The following RIN2 variants were observed in gnomAD, a reference collection of about 807,000 sequenced individuals.
RIN2 encodes the protein RAB5 interacting protein 2.
A neutral mutation model predicts 78.0 loss-of-function variants in RIN2; 36 were observed. That is an observed-to-expected ratio of 0.46 (90% confidence interval 0.35 to 0.61). RIN2 has a LOEUF of 0.61. RIN2 is among the 20% of genes least tolerant of loss of function. The probability of loss-of-function intolerance (pLI) is 0.00; values close to 1 mark genes in which losing one functional copy is unlikely to be tolerated. For synonymous variants in RIN2, 466 were observed against 466.8 expected (o/e 1.00, Z 0.02); for missense variants, 1,087 against 1,159.7 (o/e 0.94, Z 0.91).
chr20:19,851,253 C>G (rs555557741), intron 2 of RIN2, among the ~76,000 whole-genome samples: 3 of 152,076 alleles, frequency 2.0e-5, no homozygotes, highest in Admixed American at 1.3e-4. Flanking sequence ...GGGGAAGGGA[C>G]CCCAGTGGTG....
chr20:19,935,394 G>A, intron 4 of RIN2, 195 bp downstream of exon 4: 1 of 1,337,766 alleles, frequency 7.5e-7, no homozygotes, highest in East Asian at 2.7e-5. Context: ...TAATCACTTT[G>A]AAGGCACTTG....
chr20:19,804,160 T>A (rs2035332647), intron 2 of RIN2, among the ~76,000 whole-genome samples: 2 of 152,152 alleles, frequency 1.3e-5, no homozygotes, highest in Admixed American at 6.5e-5. Flanking sequence ...CAATTTGACT[T>A]CCTCTCTTCC....
chr20:19,850,120 G>A (rs2036913924), intron 2 of RIN2, among the ~76,000 whole-genome samples: 1 of 152,210 alleles, frequency 6.6e-6, no homozygotes, highest in Non-Finnish European at 1.5e-5. Flanking sequence ...TGTGTCCTGA[G>A]GACAAAGGCC....
intron 11 of RIN2, among the ~76,000 whole-genome samples, chr20:19,993,350 A>C (rs1343539339): frequency 6.6e-6 from 1 of 151,648 alleles, no homozygotes; most frequent in Non-Finnish European, 1.5e-5. Flanking sequence ...CTAAGGAATG[A>C]GTCATCCCAG....
intron 3 of RIN2, among the ~76,000 whole-genome samples, chr20:19,910,755 A>G (rs1389768743): frequency 6.8e-6 from 1 of 146,586 alleles, no homozygotes. Flanking sequence ...TTTAATAGAG[A>G]CAGAGTTTCT....
chr20:19,923,214 G>A (rs550839481), intron 3 of RIN2, among the ~76,000 whole-genome samples: 40 of 151,766 alleles, frequency 2.6e-4, no homozygotes, highest in Admixed American at 9.8e-4. Flanking sequence ...TCAGGAGTTC[G>A]AGACCAGCCT....
intron 2 of RIN2, among the ~76,000 whole-genome samples, chr20:19,827,228 G>T (rs547292083): frequency 6.6e-6 from 1 of 151,896 alleles, no homozygotes; most frequent in Admixed American, 6.6e-5. Flanking sequence ...TGCCTGCCTC[G>T]GCCTCCCAAA....
intron 2 of RIN2, among the ~76,000 whole-genome samples, chr20:19,821,633 C>T (rs535344027): frequency 7.2e-5 from 11 of 151,900 alleles, no homozygotes; most frequent in Admixed American, 5.9e-4. Context: ...GCTCCTTTCT[C>T]ACTTCTAGGG....
chr20:19,915,603 G>A (rs900170417), intron 3 of RIN2, among the ~76,000 whole-genome samples: 13 of 152,190 alleles, frequency 8.5e-5, no homozygotes, highest in Admixed American at 7.9e-4. Flanking sequence ...GCATCAGAGC[G>A]CAGGTTCCAA....
chr20:19,927,110 C>A (rs1206209558), intron 3 of RIN2, among the ~76,000 whole-genome samples: 1 of 152,248 alleles, frequency 6.6e-6, no homozygotes, highest in Non-Finnish European at 1.5e-5. Flanking sequence ...GACATTGTTT[C>A]TTTGTAGTCC....
At chr20:19,924,343 A>AC (rs777662892) in intron 3 of RIN2, among the ~76,000 whole-genome samples, 1,191 of 11,702 alleles carry the variant, frequency 0.1, 249 homozygotes, top group East Asian at 0.34. Context: ...ACCTCTTCAT[A>AC]CCCCACCTCT....
intron 3 of RIN2, among the ~76,000 whole-genome samples, chr20:19,900,970 A>G (rs1028161172): frequency 1.1e-4 from 16 of 150,876 alleles, no homozygotes; most frequent in South Asian, 8.3e-4. Flanking sequence ...AAAAAAAAAA[A>G]AAAGAAATGT....
chr20:19,963,597 G>A (rs751346998), intron 6 of RIN2, among the ~76,000 whole-genome samples: 10 of 135,492 alleles, frequency 7.4e-5, no homozygotes, highest in South Asian at 2.3e-4. Context: ...CAACAACAGC[G>A]AAACTCTGTC....
intron 2 of RIN2, among the ~76,000 whole-genome samples, chr20:19,833,069 G>A (rs1348695441): frequency 6.6e-6 from 1 of 152,126 alleles, no homozygotes; most frequent in Non-Finnish European, 1.5e-5. Flanking sequence ...GGAAACCACA[G>A]TGAAAGCTCC....
chr20:19,778,430 A>G (rs1432187942), intron 1 of RIN2, among the ~76,000 whole-genome samples: 3 of 152,210 alleles, frequency 2.0e-5, no homozygotes, highest in Admixed American at 2.0e-4. Context: ...AACTTTATCT[A>G]CTTTATTTGG....
At chr20:19,886,289 C>T (rs1351783350) in intron 2 of RIN2, among the ~76,000 whole-genome samples, 1 of 152,198 alleles carries the variant, frequency 6.6e-6, no homozygotes, top group African/African-American at 2.4e-5. Context: ...AGCGGTCTCA[C>T]ATAGCAGGCA....
intron 1 of RIN2, among the ~76,000 whole-genome samples, chr20:19,769,224 C>T (rs936701281): frequency 6.6e-6 from 1 of 152,214 alleles, no homozygotes; most frequent in Admixed American, 6.5e-5. Flanking sequence ...CATGAGCCAC[C>T]GTGCCGTGCC....
intron 5 of RIN2, among the ~76,000 whole-genome samples, chr20:19,957,806 G>A (rs141000374): frequency 2.3e-3 from 353 of 152,308 alleles, no homozygotes; most frequent in African/African-American, 8.2e-3. Context: ...AGTTACCGTA[G>A]CCACATTTTA....
At chr20:19,948,881 C>A (rs2041203186) in intron 4 of RIN2, among the ~76,000 whole-genome samples, 2 of 152,096 alleles carry the variant, frequency 1.3e-5, no homozygotes, top group Admixed American at 6.6e-5. Context: ...CAGCTCACTG[C>A]AGCCTCAACC....
Sources: gnomAD v4.1 joint callset for allele counts (sites outside exome capture counted in the v4.1 genomes callset) on GRCh38, gnomAD v4.1.1 for gene constraint, MANE v1.5 for transcripts, NCBI Gene and HGNC (gene_info 2026-07-23, HGNC 2026-07-21) for gene names.